Variants in SEMA3E observed in about 807,000 individuals in gnomAD.
SEMA3E encodes the protein semaphorin-3E.
SEMA3E carries 49 observed loss-of-function variants against 93.6 expected under a neutral mutation model. The ratio of observed to expected loss-of-function variants is 0.52; its 90% confidence interval spans 0.42 to 0.66. SEMA3E has a LOEUF of 0.66. Ranked by LOEUF, SEMA3E falls within the 30% of genes least tolerant of loss-of-function variation. The pLI, the probability that SEMA3E is intolerant of heterozygous loss-of-function variation, is 0.00. For synonymous variants in SEMA3E, 363 were observed against 330.7 expected, an observed-to-expected ratio of 1.10 and a Z score of -1.06; for missense variants, 906 against 964.8, an observed-to-expected ratio of 0.94 and a Z score of 0.81.
At chr7:83,603,799 C>T (rs1308652479) in intron 1 of SEMA3E, among the ~76,000 whole-genome samples, 1 of 152,114 alleles carries the variant, frequency 6.6e-6, no homozygotes, top group Non-Finnish European at 1.5e-5. Context: ...TGTTTCAAAT[C>T]TATCTTTGGA....
At chr7:83,646,074 G>A (rs1332333240) in intron 1 of SEMA3E, among the ~76,000 whole-genome samples, 1 of 151,860 alleles carries the variant, frequency 6.6e-6, no homozygotes, top group Non-Finnish European at 1.5e-5. Flanking sequence ...CTATCTCCAG[G>A]GAGCCTCCTG....
At chr7:83,501,049 T>C (rs1659311273) in intron 1 of SEMA3E, among the ~76,000 whole-genome samples, 1 of 152,244 alleles carries the variant, frequency 6.6e-6, no homozygotes, top group Admixed American at 6.5e-5. Flanking sequence ...TATGCCATTT[T>C]ACAGAGAATT....
rs3801558 is a variant in SEMA3E, at chr7:83,580,132, C to T, written c.115+68296G>A. ...CTGAACTTTGATAAGATAATGAAGT[C>T]GATGACATCTTAAATCTCTTTATCC... On this transcript the variant is annotated intron_variant, in intron 1 of 16. Coordinates refer to ENST00000643230, the MANE Select transcript of SEMA3E (RefSeq NM_012431.3). Among the ~76,000 whole-genome samples the T allele has an allele frequency of 2.8e-3, 423 of 152,014 alleles. 11 individuals carry two copies. The East Asian group carries it at 0.06, about 22-fold the overall frequency.
chr7:83,586,455 T>G (rs2115928853), intron 1 of SEMA3E, among the ~76,000 whole-genome samples: 1 of 152,086 alleles, frequency 6.6e-6, no homozygotes, highest in Non-Finnish European at 1.5e-5. Flanking sequence ...AATGTTCCTT[T>G]TTCTAGGGAG....
At chr7:83,443,388 T>C (rs139465688) in intron 4 of SEMA3E, among the ~76,000 whole-genome samples, 45 of 152,286 alleles carry the variant, frequency 3.0e-4, no homozygotes, top group African/African-American at 1.0e-3. Flanking sequence ...GCATCAGTTA[T>C]ATGAACTGGC....
chr7:83,577,862 A>G (rs1368484298), intron 1 of SEMA3E, among the ~76,000 whole-genome samples: 1 of 151,700 alleles, frequency 6.6e-6, no homozygotes, highest in African/African-American at 2.4e-5. Context: ...ATAAATATAA[A>G]TAATCTCATA....
At chr7:83,489,165 G>A (rs1584284164) in intron 2 of SEMA3E, among the ~76,000 whole-genome samples, 1 of 151,982 alleles carries the variant, frequency 6.6e-6, no homozygotes, top group Admixed American at 6.6e-5. Flanking sequence ...ATGAAGTATG[G>A]TACACAGAAT....
chr7:83,567,605 C>G (rs1209470445), intron 1 of SEMA3E, among the ~76,000 whole-genome samples: 3 of 152,032 alleles, frequency 2.0e-5, no homozygotes, highest in African/African-American at 7.2e-5. Flanking sequence ...ACAAGAAGAA[C>G]TTTGCAAGTT....
chr7:83,369,237 T>C (rs1439354089), intron 16 of SEMA3E, among the ~76,000 whole-genome samples: 2 of 152,048 alleles, frequency 1.3e-5, no homozygotes, highest in Non-Finnish European at 2.9e-5. Flanking sequence ...TTACAAACAA[T>C]TTGGCAATAA....
intron 14 of SEMA3E, among the ~76,000 whole-genome samples, chr7:83,388,330 A>T (rs6957116): frequency 0.24 from 35,221 of 147,184 alleles, 5,536 homozygotes; most frequent in African/African-American, 0.45. Flanking sequence ...AATAAAAAAA[A>T]ATATATATAT....
chr7:83,578,567 T>G (rs1171397903), intron 1 of SEMA3E, among the ~76,000 whole-genome samples: 1 of 151,994 alleles, frequency 6.6e-6, no homozygotes, highest in African/African-American at 2.4e-5. Flanking sequence ...ACAAAAAAGA[T>G]AGAATCCGTA....
chr7:83,547,186 T>C (rs1562827751), intron 1 of SEMA3E, among the ~76,000 whole-genome samples: 1 of 152,166 alleles, frequency 6.6e-6, no homozygotes, highest in Non-Finnish European at 1.5e-5. Context: ...CATTATAATT[T>C]TATTTCTGAA....
At chr7:83,535,230 T>C (rs1486947912) in intron 1 of SEMA3E, among the ~76,000 whole-genome samples, 1 of 152,162 alleles carries the variant, frequency 6.6e-6, no homozygotes, top group Non-Finnish European at 1.5e-5. Context: ...CTAGGTTCAC[T>C]GGACCATTTG....
intron 1 of SEMA3E, among the ~76,000 whole-genome samples, chr7:83,503,280 C>T (rs962912750): frequency 3.3e-5 from 5 of 151,944 alleles, no homozygotes; most frequent in Admixed American, 6.6e-5. Context: ...TCTTTTTATC[C>T]ATTCCCATCT....
chr7:83,408,494 GGGA>G lies in SEMA3E; in HGVS notation c.551-10_551-8del. The stretch of plus-strand genomic sequence containing the variant: ...CCAGCAAACAATTCACTACCTACAC[GGGA>G]GCATCAGTAAAAAAGAAGTCAGTAT... On this transcript the variant is annotated splice_polypyrimidine_tract_variant and splice_region_variant and intron_variant, in intron 5 of 16. Transcript: ENST00000643230. 2 of 1,613,278 alleles carry G rather than the reference GGGA, an allele frequency of 1.2e-6. No homozygotes were observed. The highest frequency in any genetic ancestry group is 1.7e-6 in the Non-Finnish European group (2 of 1,179,634).
chr7:83,638,252 T>C (rs1793919998), intron 1 of SEMA3E, among the ~76,000 whole-genome samples: 1 of 152,182 alleles, frequency 6.6e-6, no homozygotes, highest in African/African-American at 2.4e-5. Context: ...TAATGGAATG[T>C]CTTAATTTTA....
At chr7:83,589,927 A>G (rs1792720774) in intron 1 of SEMA3E, among the ~76,000 whole-genome samples, 5 of 152,264 alleles carry the variant, frequency 3.3e-5, no homozygotes, top group Admixed American at 2.0e-4. Flanking sequence ...AAATTTCTGT[A>G]TACCCTGTCC....
chr7:83,382,018 A>G (rs996238754), intron 16 of SEMA3E, among the ~76,000 whole-genome samples: 1 of 152,018 alleles, frequency 6.6e-6, no homozygotes, highest in Non-Finnish European at 1.5e-5. Flanking sequence ...AACTCTGACA[A>G]AGAAAAATCT....
At chr7:83,573,860 A>G (rs1340838716) in intron 1 of SEMA3E, among the ~76,000 whole-genome samples, 2 of 151,884 alleles carry the variant, frequency 1.3e-5, no homozygotes, top group African/African-American at 4.8e-5. Flanking sequence ...AATTCTTTAT[A>G]ATACTATTTT....
Sources: gnomAD v4.1 joint callset for allele counts (sites outside exome capture counted in the v4.1 genomes callset) on GRCh38, gnomAD v4.1.1 for gene constraint, MANE v1.5 for transcripts, NCBI Gene and HGNC (gene_info 2026-07-23, HGNC 2026-07-21) for gene names.